LARS1: variants seen among roughly 807,000 people sequenced by gnomAD.
LARS1 encodes leucine--tRNA ligase, cytoplasmic.
Under a neutral mutation model 162.8 loss-of-function variants are expected in LARS1, and 100 were observed. That is an observed-to-expected ratio of 0.61 (90% CI 0.52 to 0.73). The LOEUF is 0.73. Ranked by LOEUF, LARS1 falls within the 30% of genes least tolerant of loss-of-function variation. LARS1 has a pLI of 0.00. For synonymous variants in LARS1, 457 were observed against 462.8 expected, an observed-to-expected ratio of 0.99 and a Z score of 0.16; for missense variants, 1,258 against 1,408.9, an observed-to-expected ratio of 0.89 and a Z score of 1.71.
At chr5:146,178,132 C>T (rs73317836) in intron 1 of LARS1, among the ~76,000 whole-genome samples, 1 of 152,066 alleles carries the variant, frequency 6.6e-6, no homozygotes, top group Non-Finnish European at 1.5e-5. Flanking sequence ...ACCTGTGTAC[C>T]TCAAACCTCA....
At position 146,144,635 on chromosome 5, in the gene LARS1, C is replaced by T. The variant is rs1382831701; in HGVS notation, c.1578G>A (p.Leu526=). Residue 526 remains leucine, a synonymous_variant, in exon 16 of 32, where the codon CTG becomes CTA. Coordinates refer to ENST00000394434, the MANE Select transcript of LARS1 (RefSeq NM_020117.11). ...SRSSDECVVA[L]CDQWYLDYGE... The stretch of plus-strand genomic sequence containing the variant: ...TATAAGAGACTAACCACTGGTCACA[C>T]AGAGCCACAACACATTCATCTGACG... The T allele has an allele frequency of 6.2e-7, 1 of 1,613,964 alleles. No homozygotes were observed. Among genetic ancestry groups the T allele is most frequent in the African/African-American group, 1.3e-5 (1 of 74,904 alleles).
At chr5:146,159,025 G>A (rs1399417298) in intron 8 of LARS1, among the ~76,000 whole-genome samples, 1 of 151,920 alleles carries the variant, frequency 6.6e-6, no homozygotes, top group Non-Finnish European at 1.5e-5. Context: ...GAACCCAGGA[G>A]GCAGAGCTTG....
chr5:146,128,178 T>C (rs17104260), intron 27 of LARS1, among the ~76,000 whole-genome samples: 13,329 of 152,198 alleles, frequency 0.088, 725 homozygotes, highest in African/African-American at 0.15. Flanking sequence ...CAAAAATGTC[T>C]TCAAGCTCTA....
intron 6 of LARS1, among the ~76,000 whole-genome samples, chr5:146,161,217 C>A (rs867471452): frequency 6.6e-6 from 1 of 152,148 alleles, no homozygotes; most frequent in African/African-American, 2.4e-5. Flanking sequence ...TCTGAGCCTT[C>A]AGTTGAGTTG....
At position 146,130,063 on chromosome 5, in the gene LARS1, T is replaced by C. The variant is rs1484099859; in HGVS notation, c.2583A>G (p.Pro861=). The change falls in exon 25 of 32, where the codon CCA becomes CCG. Residue 861 remains proline, a synonymous_variant. Coordinates refer to ENST00000394434, the MANE Select transcript of LARS1 (RefSeq NM_020117.11). The part of the protein sequence containing the change: ...FIEVQTLLLA[P]FCPHLCEHIW... ...TGTGCTCACACAAATGTGGACAGAA[T>C]GGAGCGAGGAGAAGTGTCTGAACTT... 10 of 1,613,882 alleles carry C rather than the reference T, an allele frequency of 6.2e-6. No individual in the cohort carries two copies. The highest frequency in any genetic ancestry group is 1.3e-5 in the African/African-American group (1 of 74,928).
rs561293168 is a variant in LARS1 at position 146,176,705 on chromosome 5, T to A, written c.125+842A>T. On this transcript the variant is annotated intron_variant, in intron 2 of 31. Coordinates refer to ENST00000394434, the MANE Select transcript of LARS1 (RefSeq NM_020117.11). ...ATGTTTGGGGGAGTTATTTTGTTTT[T>A]GTTTTTCCCAAATATCATGTCATGA... Among the ~76,000 whole-genome samples, 15 of 152,306 alleles carry A rather than the reference T, an allele frequency of 9.8e-5. No homozygotes were observed. The South Asian group carries it at 2.9e-3, about 29-fold the overall frequency.
At chr5:146,131,598 C>T (rs1463040050) in intron 23 of LARS1, 1 of 146,472 alleles carries the variant, frequency 6.8e-6, no homozygotes, top group African/African-American at 2.5e-5. Context: ...CTCAAAGAAT[C>T]TTCTCACCTC....
intron 1 of LARS1, chr5:146,182,151 G>C (rs1317520168): frequency 3.3e-6 from 1 of 300,416 alleles, no homozygotes; most frequent in Non-Finnish European, 6.5e-6. Flanking sequence ...ATGTTGGCCA[G>C]GGTGGTCTCG....
chr5:146,141,604 G>C (rs1433922268), intron 20 of LARS1, among the ~76,000 whole-genome samples: 1 of 151,908 alleles, frequency 6.6e-6, no homozygotes, highest in Non-Finnish European at 1.5e-5. Context: ...AGGAGTTTGA[G>C]ACCAGCCTGG....
In LARS1 at chr5:146,129,060, A is replaced by T. The variant is rs1752165580; in HGVS notation, c.2687T>A (p.Ile896Lys). ...PVAGPVNEVL[I>K]HSSQYLMEVT... ...TTCCATAAGATACTGTGAGGAGTGT[A>T]TTAAAACTTCATTAACAGGACCTGC... The change falls in exon 26 of 32, where the codon ATA becomes AAA. Residue 896 changes from isoleucine to lysine, a missense_variant. Physicochemically the swap from Ile to Lys is moderately radical, Grantham distance 102. Transcript: ENST00000394434. 6.2e-7 allele frequency: 1 copy of T among 1,611,150 alleles called. No homozygotes were observed. The highest frequency in any genetic ancestry group is 1.1e-5 in the South Asian group (1 of 90,764).
chr5:146,175,289 T>C (rs1400921417), intron 2 of LARS1, among the ~76,000 whole-genome samples: 4 of 150,746 alleles, frequency 2.7e-5, no homozygotes, highest in Admixed American at 2.7e-4. Flanking sequence ...CTCACGCGTG[T>C]AATCCCAGCA....
At chr5:146,129,518 T>C (rs953414624) in intron 25 of LARS1, among the ~76,000 whole-genome samples, 4 of 152,208 alleles carry the variant, frequency 2.6e-5, no homozygotes, top group African/African-American at 9.6e-5. Context: ...CATTTCTGTA[T>C]TGTTCATGCA....
rs145661695 is a variant in LARS1, at chr5:146,122,551, C to T, written c.3133G>A (p.Glu1045Lys). 23 of 1,610,104 alleles carry T rather than the reference C, an allele frequency of 1.4e-5. No homozygotes were observed. In the African/African-American group the frequency reaches 3.1e-4, roughly 22 times the overall value. Residue 1045 changes from glutamate (E) to lysine (K), a missense_variant, in exon 30 of 32, where the codon GAA (glutamate) becomes AAA (lysine). By Grantham distance (56) the Glu-to-Lys change is moderately conservative (BLOSUM62 1). Transcript: ENST00000394434. ...HIEVKFASEA[E>K]DKIREDCCPG... The stretch of plus-strand genomic sequence containing the variant: ...CAGCAGTCTTCCCTGATTTTATCTT[C>T]TGCTTCGGAGGCAAACTTGACTTCT...
At chr5:146,164,168 G>T in intron 6 of LARS1, 142 bp downstream of exon 6, 1 of 726,272 alleles carries the variant, frequency 1.4e-6, no homozygotes, top group Admixed American at 2.6e-5. Context: ...GAAAAATGGT[G>T]CCACTAGACT....
chr5:146,168,869 G>T (rs2126572178), intron 4 of LARS1, among the ~76,000 whole-genome samples: 1 of 151,736 alleles, frequency 6.6e-6, no homozygotes, highest in East Asian at 1.9e-4. Flanking sequence ...AACATAATGT[G>T]TTATCATTTT....
At chr5:146,121,345 C>G (rs1281182220) in intron 30 of LARS1, among the ~76,000 whole-genome samples, 1 of 152,124 alleles carries the variant, frequency 6.6e-6, no homozygotes, top group East Asian at 1.9e-4. Context: ...CAGACTCTCC[C>G]AATTGCAGTC....
chr5:146,146,911 A>G (rs1437559137), intron 15 of LARS1, among the ~76,000 whole-genome samples: 1 of 151,940 alleles, frequency 6.6e-6, no homozygotes, highest in African/African-American at 2.4e-5. Flanking sequence ...ACAGGATTTC[A>G]CTATGTTGGC....
At chr5:146,167,119 AAGAC>A (rs961510021) in intron 5 of LARS1, among the ~76,000 whole-genome samples, 6 of 152,190 alleles carry the variant, frequency 3.9e-5, no homozygotes, top group African/African-American at 1.4e-4. Flanking sequence ...AAGAAAACGA[AAGAC>A]AGAAAAGATT....
rs146505812 is a variant in LARS1, at chr5:146,130,155, C to T, written c.2491G>A (p.Ala831Thr). The change falls in exon 25 of 32, where the codon GCA becomes ACA. Residue 831 changes from alanine (A) to threonine (T), a missense_variant. Transcript: ENST00000394434. ...LKTGFFEFQAAKDKYRELAVE... is the reference protein window; with the variant it reads ...LKTGFFEFQATKDKYRELAVE... Reference sequence around the variant, plus strand: ...GCCAATTCACGGTACTTATCTTTTGCGGCCTATAAAATTTGAAATTATTTA... The same window carrying T: ...GCCAATTCACGGTACTTATCTTTTGTGGCCTATAAAATTTGAAATTATTTA... The T allele has an allele frequency of 8.7e-6, 14 of 1,610,470 alleles. No individual in the cohort carries two copies. The highest frequency in any genetic ancestry group is 6.7e-5 in the African/African-American group (5 of 74,712).
Sources: gnomAD v4.1 joint callset for allele counts (sites outside exome capture counted in the v4.1 genomes callset) on GRCh38, gnomAD v4.1.1 for gene constraint, MANE v1.5 for transcripts, NCBI Gene and HGNC (gene_info 2026-07-23, HGNC 2026-07-21) for gene names.